Variants in TMCO5A observed in about 807,000 individuals in gnomAD.
TMCO5A encodes transmembrane and coiled-coil domains 5A.
In TMCO5A, 34 loss-of-function variants were observed where a neutral mutation model predicts 42.3. The ratio of observed to expected loss-of-function variants is 0.80; its 90% CI spans 0.61 to 1.07. The LOEUF (loss-of-function observed/expected upper bound fraction) is 1.07, where lower values mean the gene tolerates loss of function less well. Ranked by LOEUF, TMCO5A falls within the 50% of genes least tolerant of loss-of-function variation. The pLI is 0.00. For missense variants in TMCO5A, 357 were observed against 327.9 expected, an observed-to-expected ratio of 1.09 and a Z score of -0.69; for synonymous variants, 131 against 115.6, an observed-to-expected ratio of 1.13 and a Z score of -0.86.
chr15:37,946,056 G>A (rs1889940183), intron 10 of TMCO5A, among the ~76,000 whole-genome samples: 1 of 152,106 alleles, frequency 6.6e-6, no homozygotes, highest in Non-Finnish European at 1.5e-5. Context: ...ATTATGTAAG[G>A]AAGCAGTCCA....
intron 6 of TMCO5A, among the ~76,000 whole-genome samples, chr15:37,938,604 T>C (rs1297597848): frequency 6.6e-6 from 1 of 152,072 alleles, no homozygotes; most frequent in Non-Finnish European, 1.5e-5. Flanking sequence ...TATTGTCTCC[T>C]TTTCTGGATG....
chr15:37,955,038 G>T (rs1890251501), downstream of TMCO5A, among the ~76,000 whole-genome samples: 1 of 151,722 alleles, frequency 6.6e-6, no homozygotes, highest in Non-Finnish European at 1.5e-5. Flanking sequence ...AAAGAAGGAA[G>T]AGAAGACCAC....
chr15:37,997,445 C>T, the TMCO5A span, among the ~76,000 whole-genome samples: 2 of 152,104 alleles, frequency 1.3e-5, no homozygotes, highest in Non-Finnish European at 2.9e-5. Context: ...ATTTTTAACT[C>T]CCAAAATAAG....
chr15:37,947,524 G>A, intron 10 of TMCO5A, 132 bp from the exon 11 acceptor site: 1 of 640,562 alleles, frequency 1.6e-6, no homozygotes, highest in Non-Finnish European at 2.7e-6. Context: ...AAAATTATAT[G>A]TGCTTATGCA....
intron 11 of TMCO5A, among the ~76,000 whole-genome samples, chr15:37,960,676 A>T (rs1215758478): frequency 6.6e-6 from 1 of 152,136 alleles, no homozygotes; most frequent in Non-Finnish European, 1.5e-5. Flanking sequence ...TCTTCACCAC[A>T]TCCACGTCAA....
chr15:37,989,383 A>G, the TMCO5A span, among the ~76,000 whole-genome samples: 1 of 151,890 alleles, frequency 6.6e-6, no homozygotes, highest in Admixed American at 6.6e-5. Flanking sequence ...TTCTTAAATT[A>G]TTATACATTT....
chr15:37,976,793 CTT>C, the TMCO5A span, among the ~76,000 whole-genome samples: 5,564 of 116,820 alleles, frequency 0.048, 256 homozygotes, highest in African/African-American at 0.17. Flanking sequence ...TTTCTTCTTT[CTT>C]TTTTTTTTTT....
chr15:37,936,811 G>A, intron 3 of TMCO5A, 36 bp from the exon 4 acceptor site: 1 of 1,608,488 alleles, frequency 6.2e-7, no homozygotes, highest in Non-Finnish European at 8.5e-7. Context: ...AAACTGCCAA[G>A]CATGGGTCCT....
chr15:37,995,697 A>T, the TMCO5A span, among the ~76,000 whole-genome samples: 1 of 152,324 alleles, frequency 6.6e-6, no homozygotes, highest in South Asian at 2.1e-4. Flanking sequence ...GATCCTTAGG[A>T]TCCCAGCACT....
At chr15:38,007,996 C>T in the TMCO5A span, among the ~76,000 whole-genome samples, 11 of 148,422 alleles carry the variant, frequency 7.4e-5, no homozygotes, top group South Asian at 4.3e-4. Context: ...CCCAGGTTCA[C>T]GCCATTCTCC....
At chr15:37,969,971 C>T (rs1890644683), downstream of TMCO5A, among the ~76,000 whole-genome samples, 2 of 152,116 alleles carry the variant, frequency 1.3e-5, no homozygotes, top group Non-Finnish European at 2.9e-5. Flanking sequence ...GTGAGTAGTG[C>T]TCTGATGAGT....
chr15:38,004,547 G>A, the TMCO5A span, among the ~76,000 whole-genome samples: 1 of 152,114 alleles, frequency 6.6e-6, no homozygotes, highest in South Asian at 2.1e-4. Context: ...GAAGCTTGTT[G>A]GAACTCAGGT....
intron 10 of TMCO5A, among the ~76,000 whole-genome samples, chr15:37,946,542 C>A (rs549431856): frequency 1.3e-5 from 2 of 152,058 alleles, no homozygotes; most frequent in Admixed American, 1.3e-4. Flanking sequence ...TTTCTTTCAG[C>A]GATGGTTTGT....
At chr15:37,961,096 T>C (rs1890414021) in intron 11 of TMCO5A, among the ~76,000 whole-genome samples, 1 of 152,166 alleles carries the variant, frequency 6.6e-6, no homozygotes, top group South Asian at 2.1e-4. Context: ...TTTGGGTTCT[T>C]GGTCAGGAAA....
At chr15:38,030,038 A>G in the TMCO5A span, among the ~76,000 whole-genome samples, 1 of 152,184 alleles carries the variant, frequency 6.6e-6, no homozygotes, top group South Asian at 2.1e-4. Flanking sequence ...AAAAATATTC[A>G]TAAGTCTGAG....
chr15:37,945,656 G>A (rs1399109312), intron 10 of TMCO5A, among the ~76,000 whole-genome samples: 1 of 152,040 alleles, frequency 6.6e-6, no homozygotes, highest in Non-Finnish European at 1.5e-5. Flanking sequence ...GTGTTTGTTG[G>A]CTGTATGTAT....
chr15:37,941,528 T>G, intron 7 of TMCO5A, 143 bp from the exon 8 acceptor site: 1 of 702,652 alleles, frequency 1.4e-6, no homozygotes, highest in Non-Finnish European at 2.4e-6. Context: ...GGAAATACAT[T>G]TATCTGTACA....
At chr15:37,966,286 GTT>G (rs570651958) in intron 11 of TMCO5A, among the ~76,000 whole-genome samples, 4 of 146,584 alleles carry the variant, frequency 2.7e-5, no homozygotes, top group African/African-American at 1.0e-4. Context: ...ATGCTTAGTG[GTT>G]TTTTTTTTTA....
the TMCO5A span, among the ~76,000 whole-genome samples, chr15:38,038,895 C>T: frequency 8.8e-4 from 134 of 152,320 alleles, no homozygotes; most frequent in African/African-American, 3.1e-3. Flanking sequence ...TTACTGCACA[C>T]TGAGTCATCT....
Sources: allele counts gnomAD v4.1 joint callset (sites outside exome capture counted in the v4.1 genomes callset), GRCh38; gene constraint gnomAD v4.1.1; transcripts MANE v1.5; gene names NCBI Gene and HGNC (gene_info 2026-07-23, HGNC 2026-07-21).